Variants in FOXP1 observed in about 807,000 individuals in gnomAD.
The protein encoded by FOXP1 is forkhead box protein P1.
A neutral mutation model predicts 98.2 loss-of-function variants in FOXP1; 15 were observed. That is an observed-to-expected ratio of 0.15 (90% CI 0.10 to 0.24). The LOEUF (loss-of-function observed/expected upper bound fraction) is 0.24, where lower values mean the gene tolerates loss of function less well. Among genes scored for constraint, FOXP1 ranks in the 10% least tolerant of loss-of-function variants. The probability of loss-of-function intolerance (pLI) is 1.00; values close to 1 mark genes in which losing one functional copy is unlikely to be tolerated. For synonymous variants in FOXP1, 371 were observed against 314.5 expected (o/e 1.18, Z -1.90); for missense variants, 633 against 848.5 (o/e 0.75, Z 3.15).
chr3:71,023,267 T>C (rs553728049), intron 11 of FOXP1, among the ~76,000 whole-genome samples: 7 of 152,356 alleles, frequency 4.6e-5, no homozygotes, highest in Admixed American at 6.5e-5. Context: ...CTCATGTCCA[T>C]GTGCACAACT....
At chr3:71,318,479 T>C (rs2075208205) in intron 4 of FOXP1, among the ~76,000 whole-genome samples, 1 of 152,232 alleles carries the variant, frequency 6.6e-6, no homozygotes, top group Non-Finnish European at 1.5e-5. Flanking sequence ...CACATTGCAA[T>C]CACCGAAATT....
chr3:71,429,279 C>A (rs906188217), intron 3 of FOXP1, among the ~76,000 whole-genome samples: 2 of 152,126 alleles, frequency 1.3e-5, no homozygotes, highest in Non-Finnish European at 2.9e-5. Context: ...TGTCTTCACC[C>A]TTTTTGGTGA....
chr3:71,136,217 G>A (rs955471580), intron 6 of FOXP1, among the ~76,000 whole-genome samples: 7 of 152,190 alleles, frequency 4.6e-5, no homozygotes, highest in Admixed American at 4.6e-4. Context: ...CTGGAAATGT[G>A]TTATTTTCAT....
chr3:71,570,560 G>C (rs1395703383), intron 2 of FOXP1: 1 of 152,218 alleles, frequency 6.6e-6, no homozygotes, highest in Non-Finnish European at 1.5e-5. Flanking sequence ...GACCACTCAT[G>C]ATCTGAATTA....
intron 18 of FOXP1, 41 bp from the exon 19 acceptor site, chr3:70,970,846 C>A: frequency 1.4e-6 from 2 of 1,472,356 alleles, no homozygotes; most frequent in South Asian, 2.3e-5. Context: ...TAAACACAGT[C>A]GACTGCTGAG....
In FOXP1 at chr3:71,496,961, A is replaced by AGTGTGTGTGTGTGT. The variant is rs148821144; in HGVS notation, c.-297-3420_-297-3407dup. 9.4e-3 allele frequency among the ~76,000 whole-genome samples: 1,397 copies of AGTGTGTGTGTGTGT among 149,396 alleles called. 5 individuals carry two copies. The highest frequency in any genetic ancestry group is 0.011 in the African/African-American group (432 of 40,636). The stretch of plus-strand genomic sequence containing the variant: ...GTGAATCACCACTGTGGTGTGTGGA[A>AGTGTGTGTGTGTGT]GTGTGTGTGTGTGTGTGTGTGTGTT... On this transcript the variant is annotated intron_variant, in intron 2 of 20. Coordinates refer to ENST00000649528, the MANE Select transcript of FOXP1 (RefSeq NM_001349338.3).
At chr3:71,279,483 G>A (rs534223771) in intron 5 of FOXP1, among the ~76,000 whole-genome samples, 26 of 152,188 alleles carry the variant, frequency 1.7e-4, no homozygotes, top group African/African-American at 5.3e-4. Flanking sequence ...GACCAGGGAC[G>A]CTGCAAAATA....
Position 70,967,699 on chromosome 3 carries a change from T to G in FOXP1, c.1723-1643A>C, listed in dbSNP as rs201390437. Among the ~76,000 whole-genome samples the G allele has an allele frequency of 2.2e-3, 190 of 86,764 alleles. 2 individuals are homozygous for G. The highest frequency in any genetic ancestry group is 7.0e-3 in the African/African-American group (119 of 16,890). The allele number at this position is 86,764 out of a possible 152,430, so 56.9% of individuals were successfully genotyped here. On this transcript the variant is annotated intron_variant, in intron 19 of 20. Transcript: ENST00000649528. ...ACTACTATTATTTGTTTTTTTTTTT[T>G]GTTTTTTTTTGTTTTTTTTTTTTTT...
At chr3:71,398,912 G>A (rs1161200271) in intron 3 of FOXP1, among the ~76,000 whole-genome samples, 1 of 152,156 alleles carries the variant, frequency 6.6e-6, no homozygotes, top group African/African-American at 2.4e-5. Flanking sequence ...TACTTCATGA[G>A]TGTAAAAAGC....
rs146164541 is a variant in FOXP1, at chr3:71,438,300, G to C, written c.-168+55126C>G. 2.3e-3 allele frequency among the ~76,000 whole-genome samples: 347 copies of C among 152,264 alleles called. 6 individuals carry two copies. In the East Asian group the frequency reaches 0.024, roughly 11 times the overall value. On this transcript the variant is annotated intron_variant, in intron 3 of 20. Transcript: ENST00000649528. ...TTATTCTTCATTTTCTGGCAGCCTC[G>C]TTTAATATGAGCTACATCGGCCGGA... is the stretch of plus-strand genomic sequence containing the variant.
At chr3:71,170,994 C>T (rs144480034) in intron 6 of FOXP1, among the ~76,000 whole-genome samples, 18 of 152,184 alleles carry the variant, frequency 1.2e-4, no homozygotes, top group Non-Finnish European at 2.4e-4. Context: ...ACCAGGAAGG[C>T]GGGCATGATT....
At chr3:71,297,527 T>C (rs2073425264) in intron 5 of FOXP1, among the ~76,000 whole-genome samples, 1 of 148,402 alleles carries the variant, frequency 6.7e-6, no homozygotes, top group Admixed American at 6.7e-5. Context: ...TGAAAACCCA[T>C]CAGTGAAGGT....
chr3:71,051,014 C>G (rs1452465229), intron 9 of FOXP1, among the ~76,000 whole-genome samples: 1 of 152,124 alleles, frequency 6.6e-6, no homozygotes, highest in Non-Finnish European at 1.5e-5. Context: ...ATTTCTTTGT[C>G]CAGAGTGATG....
At chr3:71,543,157 T>C (rs965512943) in intron 2 of FOXP1, among the ~76,000 whole-genome samples, 1 of 152,158 alleles carries the variant, frequency 6.6e-6, no homozygotes, top group African/African-American at 2.4e-5. Context: ...GGCATGCGAA[T>C]ACCATCTGGG....
chr3:71,038,886 G>A (rs189775910), intron 11 of FOXP1, among the ~76,000 whole-genome samples: 1 of 151,988 alleles, frequency 6.6e-6, no homozygotes, highest in African/African-American at 2.4e-5. Context: ...GGCTAGTCTT[G>A]AACTCCTGGC....
At chr3:70,972,120 C>G in intron 18 of FOXP1, 2 of 1,533,988 alleles carry the variant, frequency 1.3e-6, no homozygotes, top group South Asian at 2.4e-5. Flanking sequence ...CAAAAGGACC[C>G]AAACTCATCC....
At chr3:71,582,755 C>T in intron 1 of FOXP1, 1 of 985,322 alleles carries the variant, frequency 1.0e-6, no homozygotes, top group South Asian at 4.7e-5. Flanking sequence ...AGGCCGAGCG[C>T]GCGTAGGGGT....
At chr3:71,575,165 A>G (rs932798810) in intron 2 of FOXP1, among the ~76,000 whole-genome samples, 2 of 152,202 alleles carry the variant, frequency 1.3e-5, no homozygotes, top group African/African-American at 4.8e-5. Flanking sequence ...TGTGATTCCA[A>G]TACTCGTGCT....
intron 4 of FOXP1, among the ~76,000 whole-genome samples, chr3:71,331,379 C>T (rs1246248700): frequency 1.3e-5 from 2 of 151,698 alleles, no homozygotes; most frequent in Non-Finnish European, 2.9e-5. Flanking sequence ...CCCCTCCCCA[C>T]CCCCCGCCAT....
Sources: allele counts gnomAD v4.1 joint callset (sites outside exome capture counted in the v4.1 genomes callset), GRCh38; gene constraint gnomAD v4.1.1; transcripts MANE v1.5; gene names NCBI Gene and HGNC (gene_info 2026-07-23, HGNC 2026-07-21).